Variants in MAP4 observed in about 807,000 individuals in gnomAD.
The protein encoded by MAP4 is microtubule-associated protein 4.
Under a neutral mutation model 170.2 loss-of-function variants are expected in MAP4, and 76 were observed. The ratio of observed to expected loss-of-function variants is 0.45; its 90% CI spans 0.37 to 0.54. MAP4 has a LOEUF of 0.54. Ranked by LOEUF, MAP4 falls within the 20% of genes least tolerant of loss-of-function variation. The pLI, the probability that MAP4 is intolerant of heterozygous loss-of-function variation, is 0.00. For synonymous variants in MAP4, 909 were observed against 994.5 expected (o/e 0.91, Z 1.62); for missense variants, 2,506 against 2,748.0 (o/e 0.91, Z 1.97).
At chr3:48,025,083 G>A (rs1212556689) in intron 1 of MAP4, among the ~76,000 whole-genome samples, 1 of 151,808 alleles carries the variant, frequency 6.6e-6, no homozygotes, top group Middle Eastern at 3.2e-3. Context: ...AATTCTCCAC[G>A]AAGTTCTTTT....
intron 10 of MAP4, among the ~76,000 whole-genome samples, chr3:47,890,112 C>G (rs1176565281): frequency 6.6e-6 from 1 of 151,980 alleles, no homozygotes; most frequent in Non-Finnish European, 1.5e-5. Context: ...AAGCAAAACA[C>G]ATGTTTTAAA....
intron 1 of MAP4, among the ~76,000 whole-genome samples, chr3:48,080,677 T>C (rs953061697): frequency 3.3e-5 from 5 of 152,120 alleles, no homozygotes; most frequent in African/African-American, 1.2e-4. Context: ...CAAGACTCTG[T>C]CTCTTAAAAA....
intron 3 of MAP4, among the ~76,000 whole-genome samples, chr3:47,958,573 G>C (rs1432018067): frequency 6.6e-6 from 1 of 152,078 alleles, no homozygotes; most frequent in Non-Finnish European, 1.5e-5. Context: ...CTGGAGTGCA[G>C]TGGTGCGATC....
rs146086115 is a variant in MAP4, at chr3:48,065,651, C to T, written c.-20+23122G>A. Among the ~76,000 whole-genome samples the T allele has an allele frequency of 1.3e-3, 202 of 152,290 alleles. 1 individual carries two copies. The highest frequency in any genetic ancestry group is 4.6e-3 in the African/African-American group (190 of 41,554). On this transcript the variant is annotated intron_variant, in intron 1 of 18. Coordinates refer to the MAP4 transcript ENST00000360240. The stretch of plus-strand genomic sequence containing the variant: ...AAAAATTCCTGAGAAATCATAGCCA[C>T]GAGGAATCCCTGTATGCACTGGCAT...
intron 3 of MAP4, among the ~76,000 whole-genome samples, chr3:47,945,010 T>C (rs1020699807): frequency 2.0e-5 from 3 of 151,310 alleles, no homozygotes; most frequent in African/African-American, 7.3e-5. Context: ...GGGGTTTGCT[T>C]CCAAAAAACA....
intron 3 of MAP4, among the ~76,000 whole-genome samples, chr3:47,937,576 C>T (rs1220086215): frequency 1.3e-5 from 2 of 151,342 alleles, no homozygotes; most frequent in South Asian, 2.1e-4. Context: ...AAAGATGTTT[C>T]TGATGTTCTC....
intron 10 of MAP4, among the ~76,000 whole-genome samples, chr3:47,894,718 G>A (rs1218394047): frequency 6.6e-6 from 1 of 151,950 alleles, no homozygotes; most frequent in African/African-American, 2.4e-5. Flanking sequence ...TACAATATGT[G>A]AGGAAAATTA....
At chr3:47,965,291 T>C (rs1247183516) in intron 3 of MAP4, among the ~76,000 whole-genome samples, 2 of 152,220 alleles carry the variant, frequency 1.3e-5, no homozygotes, top group Admixed American at 1.3e-4. Flanking sequence ...TGTTTATTCA[T>C]TCCATGTGTT....
At chr3:47,949,021 GT>G (rs1226241713) in intron 3 of MAP4, among the ~76,000 whole-genome samples, 1 of 152,162 alleles carries the variant, frequency 6.6e-6, no homozygotes, top group Non-Finnish European at 1.5e-5. Flanking sequence ...TCAAACTGCA[GT>G]TTTTCTTTCA....
At chr3:47,902,670 T>G (rs2100030712) in intron 10 of MAP4, among the ~76,000 whole-genome samples, 1 of 59,754 alleles carries the variant, frequency 1.7e-5, no homozygotes, top group South Asian at 6.5e-4. Flanking sequence ...GGAGACTCTG[T>G]CTCAAAAAAA....
At chr3:48,088,594 C>G (rs2100150657) in intron 1 of MAP4, among the ~76,000 whole-genome samples, 1 of 152,044 alleles carries the variant, frequency 6.6e-6, no homozygotes, top group Admixed American at 6.6e-5. Context: ...AAGCCGCCAG[C>G]CCCCCGCCTG....
At chr3:47,973,517 G>T (rs2154252739) in intron 3 of MAP4, 1 of 985,104 alleles carries the variant, frequency 1.0e-6, no homozygotes, top group Non-Finnish European at 1.2e-6. Flanking sequence ...AATTTTAGCT[G>T]GCTGTTAGTA....
At chr3:47,921,534 T>C (rs1282995423) in intron 5 of MAP4, among the ~76,000 whole-genome samples, 4 of 152,078 alleles carry the variant, frequency 2.6e-5, no homozygotes, top group Non-Finnish European at 4.4e-5. Flanking sequence ...AAAAAAAAAT[T>C]TGTCATTCTT....
chr3:47,971,959 G>A (rs181364536), intron 3 of MAP4, among the ~76,000 whole-genome samples: 1 of 152,064 alleles, frequency 6.6e-6, no homozygotes, highest in Non-Finnish European at 1.5e-5. Context: ...TTTAAACCTA[G>A]GGTATGTATA....
At chr3:47,985,467 GA>G (rs1190724506) in intron 2 of MAP4, among the ~76,000 whole-genome samples, 2 of 151,866 alleles carry the variant, frequency 1.3e-5, no homozygotes, top group Admixed American at 6.6e-5. Context: ...TTTTTAATTG[GA>G]AAAAAATTAC....
At chr3:48,022,899 A>G (rs893976154) in intron 1 of MAP4, among the ~76,000 whole-genome samples, 14 of 13,772 alleles carry the variant, frequency 1.0e-3, no homozygotes, top group East Asian at 2.6e-3. Context: ...TCAGGGGGGA[A>G]AAAAAAAAAT....
rs908451419 is a variant in MAP4 at position 47,871,021 on chromosome 3, A to G, written c.6086T>C (p.Val2029Ala). 1 of 1,613,934 alleles carries G rather than the reference A, an allele frequency of 6.2e-7. No individual in the cohort carries two copies. Among genetic ancestry groups the G allele is most frequent in the Non-Finnish European group, 8.5e-7 (1 of 1,179,910 alleles). Reference protein sequence around the residue: ...TLSGTAPAAGVVPSRVKATPM... With the variant: ...TLSGTAPAAGAVPSRVKATPM... ...TGTGGCCTTGACTCGGCTGGGAACC[A>G]CCCCTGCAGCGGGGGCTGTCCCACT... is the stretch of plus-strand genomic sequence containing the variant. The change falls in exon 15 of 21, where the codon GTG becomes GCG. Residue 2029 changes from valine (V) to alanine (A), a missense_variant. This residue lies in a region of MAP4 where 487 missense variants were observed against 511.6 expected (regional missense o/e 0.95). Coordinates refer to ENST00000683076, the MANE Select transcript of MAP4 (RefSeq NM_001385682.1).
At position 48,002,954 on chromosome 3, in the gene MAP4, A is replaced by AAAATAAATAAATAAATAAAT. The variant is rs55814118; in HGVS notation, c.-19-4095_-19-4076dup. 5.2e-4 allele frequency among the ~76,000 whole-genome samples: 75 copies of AAAATAAATAAATAAATAAAT among 144,754 alleles called. 1 individual carries two copies. The highest frequency in any genetic ancestry group is 7.0e-3 in the Middle Eastern group (2 of 284). The allele number at this position is 144,754 out of a possible 152,430, so 95.0% of individuals were successfully genotyped here. On this transcript the variant is annotated intron_variant, in intron 1 of 20. Coordinates refer to ENST00000683076, the MANE Select transcript of MAP4 (RefSeq NM_001385682.1). The stretch of plus-strand genomic sequence containing the variant: ...ACTCTGGCTGTTAACATTAAGGCCA[A>AAAATAAATAAATAAATAAAT]AAATAAATAAATAAATAAATAAATA...
At chr3:47,946,011 T>C (rs898271583) in intron 3 of MAP4, among the ~76,000 whole-genome samples, 1 of 151,966 alleles carries the variant, frequency 6.6e-6, no homozygotes, top group Non-Finnish European at 1.5e-5. Flanking sequence ...TTCGGCTCAC[T>C]GCAAGCTCTG....
Sources: allele counts gnomAD v4.1 joint callset (sites outside exome capture counted in the v4.1 genomes callset), GRCh38; gene constraint gnomAD v4.1.1; regional missense constraint gnomAD v4.1.1; transcripts MANE v1.5; gene names NCBI Gene and HGNC (gene_info 2026-07-23, HGNC 2026-07-21).